PALM2AKAP2: variants seen among roughly 807,000 people sequenced by gnomAD.
PALM2AKAP2 encodes PALM2-AKAP2 fusion protein.
A neutral mutation model predicts 71.5 loss-of-function variants in PALM2AKAP2; 37 were observed. The observed-to-expected ratio is 0.52, with a 90% CI of 0.40 to 0.68. The LOEUF is 0.68. Ranked by LOEUF, PALM2AKAP2 falls within the 30% of genes least tolerant of loss-of-function variation. The probability of loss-of-function intolerance (pLI) is 0.00; values close to 1 mark genes in which losing one functional copy is unlikely to be tolerated. For missense variants in PALM2AKAP2, 1,224 were observed against 1,191.8 expected (o/e 1.03, Z -0.40); for synonymous variants, 468 against 478.8 (o/e 0.98, Z 0.29).
At chr9:110,156,377 G>T (rs763499704) in exon 3 of PALM2AKAP2, 2 of 1,611,198 alleles carry the variant, frequency 1.2e-6, no homozygotes, top group South Asian at 2.2e-5. Flanking sequence ...CCAGCTTGCA[G>T]CCTGACTTAG....
intron 1 of PALM2AKAP2, among the ~76,000 whole-genome samples, chr9:110,098,138 G>C (rs1430131041): frequency 1.4e-5 from 2 of 143,436 alleles, no homozygotes; most frequent in East Asian, 1.9e-4. Flanking sequence ...CTCGGCATCA[G>C]AGGGAGACAG....
chr9:110,092,410 G>T (rs10980187), intron 1 of PALM2AKAP2, among the ~76,000 whole-genome samples: 30,727 of 152,018 alleles, frequency 0.2, 4,301 homozygotes, highest in African/African-American at 0.39. Context: ...TCTGAATATT[G>T]TTTCCTTGTA....
intron 6 of PALM2AKAP2, among the ~76,000 whole-genome samples, chr9:109,965,046 T>G (rs989593420): frequency 1.3e-5 from 2 of 152,218 alleles, no homozygotes; most frequent in African/African-American, 2.4e-5. Context: ...CTTATTAAGT[T>G]AGATACTCAT....
chr9:109,974,698 TG>T (rs1169379191), intron 6 of PALM2AKAP2, among the ~76,000 whole-genome samples: 2 of 152,224 alleles, frequency 1.3e-5, no homozygotes, highest in African/African-American at 4.8e-5. Context: ...TTCTCATCAC[TG>T]CTGCTGCAGC....
chr9:109,966,550 G>T (rs1446454671), intron 6 of PALM2AKAP2, among the ~76,000 whole-genome samples: 1 of 152,158 alleles, frequency 6.6e-6, no homozygotes, highest in African/African-American at 2.4e-5. Context: ...TCTCTCACAA[G>T]GCTGTCATGA....
chr9:109,767,295 G>A (rs1377753075), intron 1 of PALM2AKAP2, among the ~76,000 whole-genome samples: 1 of 152,052 alleles, frequency 6.6e-6, no homozygotes, highest in East Asian at 1.9e-4. Context: ...CCAAACATTA[G>A]TTCCATCAGG....
chr9:109,876,099 T>A (rs1829715239), intron 2 of PALM2AKAP2, among the ~76,000 whole-genome samples: 2 of 152,234 alleles, frequency 1.3e-5, no homozygotes, highest in African/African-American at 4.8e-5. Flanking sequence ...TTTTTTTTGA[T>A]GTATGTTATT....
intron 6 of PALM2AKAP2, among the ~76,000 whole-genome samples, chr9:110,014,730 A>G (rs1164565827): frequency 2.2e-5 from 3 of 137,388 alleles, no homozygotes; most frequent in Non-Finnish European, 4.6e-5. Flanking sequence ...CCAAGATTGC[A>G]CCACTGCATT....
chr9:109,662,850 G>T (rs1194020825), intron 1 of PALM2AKAP2, among the ~76,000 whole-genome samples: 1 of 152,132 alleles, frequency 6.6e-6, no homozygotes, highest in Non-Finnish European at 1.5e-5. Context: ...TTCAGAGCCT[G>T]TTATTGGTCT....
At chr9:109,789,305 T>G (rs1422250817) in intron 1 of PALM2AKAP2, among the ~76,000 whole-genome samples, 2 of 152,226 alleles carry the variant, frequency 1.3e-5, no homozygotes, top group African/African-American at 2.4e-5. Flanking sequence ...TGGTGGCCCC[T>G]TCTCCAGCCT....
intron 1 of PALM2AKAP2, among the ~76,000 whole-genome samples, chr9:109,732,789 T>A (rs1239311739): frequency 1.3e-5 from 2 of 152,042 alleles, no homozygotes; most frequent in Non-Finnish European, 2.9e-5. Context: ...AGGGAGAAGG[T>A]CTCCCTTTCA....
chr9:109,864,243 C>A (rs981474716), intron 1 of PALM2AKAP2, among the ~76,000 whole-genome samples: 1 of 152,192 alleles, frequency 6.6e-6, no homozygotes, highest in African/African-American at 2.4e-5. Flanking sequence ...GTTCCAAATT[C>A]TAACCCAATA....
intron 7 of PALM2AKAP2, among the ~76,000 whole-genome samples, chr9:110,036,312 C>T (rs1349951261): frequency 6.6e-6 from 1 of 152,076 alleles, no homozygotes; most frequent in Non-Finnish European, 1.5e-5. Flanking sequence ...TTAATAAGAA[C>T]ACTTTATTGT....
intron 1 of PALM2AKAP2, among the ~76,000 whole-genome samples, chr9:109,684,751 G>C (rs901556242): frequency 6.6e-6 from 1 of 152,152 alleles, no homozygotes; most frequent in African/African-American, 2.4e-5. Context: ...TTGCTGAAAA[G>C]AGGTTAAACA....
At chr9:109,782,713 C>T (rs1331848656) in intron 1 of PALM2AKAP2, among the ~76,000 whole-genome samples, 2 of 151,018 alleles carry the variant, frequency 1.3e-5, no homozygotes, top group East Asian at 3.9e-4. Context: ...ATGATGTTGT[C>T]AGGACAGATT....
rs936933848 is a variant in PALM2AKAP2, at chr9:109,666,513, G to A, written c.5+25647G>A. On this transcript the variant is annotated intron_variant, in intron 1 of 6. Coordinates refer to the PALM2AKAP2 transcript ENST00000374531. Reference sequence around the variant, plus strand: ...ACTGTTATTTTACACAGAAACCAGAGATGATATCACAACCAGTTAAGCTTA... The same window carrying A: ...ACTGTTATTTTACACAGAAACCAGAAATGATATCACAACCAGTTAAGCTTA... Among the ~76,000 whole-genome samples, 3 of 152,326 alleles carry A rather than the reference G, an allele frequency of 2.0e-5. No individual in the cohort carries two copies. The East Asian group carries it at 5.8e-4, about 29-fold the overall frequency.
intron 1 of PALM2AKAP2, among the ~76,000 whole-genome samples, chr9:109,829,392 T>C: frequency 6.6e-6 from 1 of 152,162 alleles, no homozygotes; most frequent in East Asian, 1.9e-4. Context: ...TTGAGAGCCT[T>C]AAGGACTAGA....
intron 1 of PALM2AKAP2, among the ~76,000 whole-genome samples, chr9:109,791,246 A>G (rs1206569775): frequency 6.6e-6 from 1 of 152,244 alleles, no homozygotes; most frequent in Non-Finnish European, 1.5e-5. Context: ...ATGAGGGAGA[A>G]TGAAGAGAAA....
At chr9:109,792,086 A>T (rs1311150731) in intron 1 of PALM2AKAP2, among the ~76,000 whole-genome samples, 2 of 152,264 alleles carry the variant, frequency 1.3e-5, no homozygotes, top group Admixed American at 6.5e-5. Context: ...AAGCTATGTG[A>T]GTTGTAGATA....
Sources: allele counts gnomAD v4.1 joint callset (sites outside exome capture counted in the v4.1 genomes callset), GRCh38; gene constraint gnomAD v4.1.1; transcripts MANE v1.5; gene names NCBI Gene and HGNC (gene_info 2026-07-23, HGNC 2026-07-21).